ARF4: variants seen among roughly 807,000 people sequenced by gnomAD.
ARF4 encodes the protein ADP-ribosylation factor 4.
ARF4 carries 5 observed loss-of-function variants against 24.3 expected under a neutral mutation model. The ratio of observed to expected loss-of-function variants is 0.21; its 90% confidence interval spans 0.11 to 0.43. ARF4 has a LOEUF of 0.43. Ranked by LOEUF, ARF4 falls within the 20% of genes least tolerant of loss-of-function variation. The pLI is 1.00. For synonymous variants in ARF4, 62 were observed against 73.5 expected, an observed-to-expected ratio of 0.84 and a Z score of 0.80; for missense variants, 107 against 213.0, an observed-to-expected ratio of 0.50 and a Z score of 3.10.
chr3:57,575,452 A>G, intron 5 of ARF4, 96 bp downstream of exon 5: 1 of 1,244,558 alleles, frequency 8.0e-7, no homozygotes, highest in Non-Finnish European at 1.1e-6. Flanking sequence ...ATTTGTCCAA[A>G]GGAGATAATA....
intron 1 of ARF4, among the ~76,000 whole-genome samples, chr3:57,588,263 A>T (rs2070062882): frequency 6.6e-6 from 1 of 152,216 alleles, no homozygotes; most frequent in South Asian, 2.1e-4. Flanking sequence ...ATAGCAGGAA[A>T]ACTACCTCAG....
At chr3:57,595,189 A>G (rs930564019) in intron 1 of ARF4, among the ~76,000 whole-genome samples, 14 of 152,378 alleles carry the variant, frequency 9.2e-5, no homozygotes, top group African/African-American at 2.9e-4. Context: ...GCATACTTCT[A>G]TATTCCTTGC....
chr3:57,583,000 G>C (rs1253205981), intron 3 of ARF4, among the ~76,000 whole-genome samples: 1 of 152,198 alleles, frequency 6.6e-6, no homozygotes, highest in Non-Finnish European at 1.5e-5. Flanking sequence ...CTTGAGGGCA[G>C]CTGCTATTGC....
chr3:57,580,547 G>T (rs934797519), intron 3 of ARF4, among the ~76,000 whole-genome samples: 8 of 150,450 alleles, frequency 5.3e-5, no homozygotes, highest in African/African-American at 1.7e-4. Context: ...GACTACAGGA[G>T]TATGCCACCA....
At chr3:57,592,366 T>TA (rs2070126309) in intron 1 of ARF4, among the ~76,000 whole-genome samples, 1 of 152,038 alleles carries the variant, frequency 6.6e-6, no homozygotes, top group African/African-American at 2.4e-5. Context: ...AGGGGGCCTG[T>TA]AATCCCAGCT....
chr3:57,581,206 A>G (rs981661574), intron 3 of ARF4, among the ~76,000 whole-genome samples: 5 of 152,192 alleles, frequency 3.3e-5, no homozygotes, highest in African/African-American at 1.2e-4. Flanking sequence ...GTTTCTTTTA[A>G]ATTTTATAGC....
chr3:57,595,916 A>G (rs764888734), intron 1 of ARF4, among the ~76,000 whole-genome samples: 51 of 151,732 alleles, frequency 3.4e-4, no homozygotes, highest in Non-Finnish European at 6.9e-4. Context: ...GCGCCACTGC[A>G]CTCCAGCCTG....
intron 1 of ARF4, among the ~76,000 whole-genome samples, chr3:57,585,131 T>C (rs2070021339): frequency 6.6e-6 from 1 of 152,168 alleles, no homozygotes; most frequent in African/African-American, 2.4e-5. Flanking sequence ...GCCAATGTGC[T>C]GGGATTACAA....
At chr3:57,591,342 A>G in intron 1 of ARF4, among the ~76,000 whole-genome samples, 1 of 152,190 alleles carries the variant, frequency 6.6e-6, no homozygotes, top group East Asian at 1.9e-4. Context: ...TTATCCATAC[A>G]ATGTAATTAC....
chr3:57,575,423 A>G (rs2069891811), intron 5 of ARF4, 125 bp downstream of exon 5: 3 of 980,210 alleles, frequency 3.1e-6, no homozygotes, highest in East Asian at 3.1e-5. Flanking sequence ...CATATTTTTA[A>G]ATAAATGATG....
intron 1 of ARF4, among the ~76,000 whole-genome samples, chr3:57,595,133 G>A (rs1463878424): frequency 6.6e-6 from 1 of 152,122 alleles, no homozygotes; most frequent in African/African-American, 2.4e-5. Flanking sequence ...TTTTTGGGGT[G>A]GAGGGAAATG....
chr3:57,584,275 A>T, intron 2 of ARF4, 109 bp downstream of exon 2: 2 of 1,091,604 alleles, frequency 1.8e-6, no homozygotes, highest in Non-Finnish European at 2.7e-6. Context: ...TTTTAAAAGT[A>T]CTTCTAAGAT....
intron 1 of ARF4, among the ~76,000 whole-genome samples, chr3:57,595,018 G>A (rs996270104): frequency 6.6e-6 from 1 of 152,130 alleles, no homozygotes. Flanking sequence ...AGTGCAAAAC[G>A]ATAGCATGCC....
intron 1 of ARF4, among the ~76,000 whole-genome samples, chr3:57,590,089 C>CAATA (rs71088095): frequency 0.28 from 37,827 of 134,902 alleles, 5,525 homozygotes; most frequent in South Asian, 0.34. Flanking sequence ...GACTCTGTCT[C>CAATA]AATAAATAAA....
chr3:57,591,792 G>A (rs1386359617), intron 1 of ARF4, among the ~76,000 whole-genome samples: 1 of 152,058 alleles, frequency 6.6e-6, no homozygotes, highest in Non-Finnish European at 1.5e-5. Flanking sequence ...ACAACATCAT[G>A]CCAAGTGAAA....
chr3:57,593,021 G>C (rs2070133816), intron 1 of ARF4, among the ~76,000 whole-genome samples: 1 of 152,050 alleles, frequency 6.6e-6, no homozygotes, highest in Admixed American at 6.6e-5. Flanking sequence ...CTGGGCAACA[G>C]AGCAAGACCC....
chr3:57,573,460 G>C (rs1297251163), intron 5 of ARF4, among the ~76,000 whole-genome samples: 1 of 152,138 alleles, frequency 6.6e-6, no homozygotes, highest in Admixed American at 6.6e-5. Flanking sequence ...ATACCATGTT[G>C]CCAATTATTT....
rs980475289 is a variant in ARF4, at chr3:57,577,400, T to G, written c.259-13A>C. ...CAAAAATAAGACCCTGGGGAAAAAT[T>G]GTTTCAGTAAATTTTAACAGTTAAA... is the stretch of plus-strand genomic sequence containing the variant. On this transcript the variant is annotated splice_polypyrimidine_tract_variant and intron_variant, in intron 3 of 5. Transcript: ENST00000303436. 2 of 1,611,058 alleles carry G rather than the reference T, an allele frequency of 1.2e-6. No individual in the cohort carries two copies. The highest frequency in any genetic ancestry group is 2.7e-5 in the African/African-American group (2 of 74,872).
intron 1 of ARF4, among the ~76,000 whole-genome samples, chr3:57,593,604 G>C (rs374945668): frequency 3.9e-5 from 6 of 152,276 alleles, no homozygotes; most frequent in African/African-American, 1.4e-4. Flanking sequence ...GCAAGAACTG[G>C]AAAGTTCAAA....
Sources: allele counts gnomAD v4.1 joint callset (sites outside exome capture counted in the v4.1 genomes callset), GRCh38; gene constraint gnomAD v4.1.1; transcripts MANE v1.5; gene names NCBI Gene and HGNC (gene_info 2026-07-23, HGNC 2026-07-21).